Variants in BAZ1B observed in about 807,000 individuals in gnomAD.
The protein encoded by BAZ1B is tyrosine-protein kinase BAZ1B.
A neutral mutation model predicts 153.8 loss-of-function variants in BAZ1B; 22 were observed. That is an observed-to-expected ratio of 0.14 (90% CI 0.10 to 0.20). BAZ1B has a LOEUF of 0.20. Among genes scored for constraint, BAZ1B ranks in the 10% least tolerant of loss-of-function variants. The pLI is 1.00. For missense variants in BAZ1B, 1,325 were observed against 1,799.3 expected, an observed-to-expected ratio of 0.74 and a Z score of 4.77; for synonymous variants, 676 against 633.4, an observed-to-expected ratio of 1.07 and a Z score of -1.01.
At chr7:73,473,581 C>T (rs1050331480) in intron 7 of BAZ1B, among the ~76,000 whole-genome samples, 3 of 152,228 alleles carry the variant, frequency 2.0e-5, no homozygotes, top group African/African-American at 7.2e-5. Flanking sequence ...GGAAAGTACA[C>T]ATTACATATG....
In BAZ1B at chr7:73,442,387, G is replaced by A. The variant is rs530271123; in HGVS notation, c.4261C>T (p.Arg1421Cys). Residue 1421 changes from arginine (R) to cysteine (C), a missense_variant, in exon 19 of 20, where the codon CGT (arginine) becomes TGT (cysteine). By Grantham distance (180) the Arg-to-Cys change is radical (BLOSUM62 -3). This residue lies in a region of BAZ1B where 271 missense variants were observed against 337.2 expected (regional missense o/e 0.80). Transcript: ENST00000339594. ...VFTNAEVYNCRGSHVLSCMVK... is the reference protein window; with the variant it reads ...VFTNAEVYNCCGSHVLSCMVK... Reference sequence around the variant, plus strand: ...ATGCAGCTTAGCACATGGCTGCCACGGCAGTTGTAAACCTCAGCATTGGTA... The same window carrying A: ...ATGCAGCTTAGCACATGGCTGCCACAGCAGTTGTAAACCTCAGCATTGGTA... 12 of 1,614,196 alleles carry A rather than the reference G, an allele frequency of 7.4e-6. No individual in the cohort carries two copies. The highest frequency in any genetic ancestry group is 5.0e-5 in the Admixed American group (3 of 60,016).
chr7:73,481,337 A>C (rs1354115157), intron 6 of BAZ1B, among the ~76,000 whole-genome samples: 2 of 151,338 alleles, frequency 1.3e-5, no homozygotes, highest in Non-Finnish European at 2.9e-5. Context: ...ACCACAGTGA[A>C]ACCCCATCTC....
chr7:73,445,113 T>C (rs930220002), intron 16 of BAZ1B, among the ~76,000 whole-genome samples: 4 of 152,142 alleles, frequency 2.6e-5, no homozygotes, highest in African/African-American at 9.7e-5. Context: ...CCAACTGGCA[T>C]TCCTCAGTGA....
intron 15 of BAZ1B, among the ~76,000 whole-genome samples, chr7:73,448,043 G>A (rs1343231666): frequency 6.6e-6 from 1 of 152,296 alleles, no homozygotes; most frequent in Non-Finnish European, 1.5e-5. Context: ...CGTGGCTCAC[G>A]CCTGTAATCC....
chr7:73,477,740 A>G lies in BAZ1B; in HGVS notation c.1721T>C (p.Leu574Ser). The G allele has an allele frequency of 6.2e-7, 1 of 1,614,098 alleles. No homozygotes were observed. The highest frequency in any genetic ancestry group is 8.5e-7 in the Non-Finnish European group (1 of 1,180,000). ...GTCCTCATACCGCTTCTGTTTTTCT[A>G]ATCTCTCAAGCATTTCTTTCTCTCT... Reference protein sequence around the residue: ...ERREKEMLERLEKQKRYEDQE... With the variant: ...ERREKEMLERSEKQKRYEDQE... The change falls in exon 7 of 20, where the codon TTA becomes TCA. Residue 574 changes from leucine (L) to serine (S), a missense_variant. Transcript: ENST00000339594. This position sits in a 1 kb window ranked among gnomAD's most constrained non-coding sequence, Gnocchi z 5.6.
In BAZ1B at chr7:73,485,686, A is replaced by C. The variant is rs1789380313; in HGVS notation, c.891+3508T>G. Among the ~76,000 whole-genome samples the C allele has an allele frequency of 2.6e-5, 4 of 152,034 alleles. No individual in the cohort carries two copies. The South Asian group carries it at 8.3e-4, about 32-fold the overall frequency. On this transcript the variant is annotated intron_variant, in intron 6 of 19. Coordinates refer to ENST00000339594, the MANE Select transcript of BAZ1B (RefSeq NM_032408.4). ...CAAATATGATAAATGTTAACATCTG[A>C]GGAAATCTAATTAAAGAGTACACAG... is the stretch of plus-strand genomic sequence containing the variant.
At chr7:73,444,257 T>G (rs1787741540) in intron 16 of BAZ1B, 128 bp from the exon 17 acceptor site, 1 of 1,092,162 alleles carries the variant, frequency 9.2e-7, no homozygotes, top group Non-Finnish European at 1.3e-6. Flanking sequence ...CTCCTTTGGT[T>G]TTAAGGTGCT....
chr7:73,511,219 G>T (rs1239502300), intron 1 of BAZ1B, among the ~76,000 whole-genome samples: 1 of 151,990 alleles, frequency 6.6e-6, no homozygotes, highest in Non-Finnish European at 1.5e-5. Context: ...AGTGAGCCAA[G>T]ATCACGCCAC....
rs200548390 is a variant in BAZ1B, at chr7:73,478,187, T to C, written c.1274A>G (p.Lys425Arg). 87 of 1,614,134 alleles carry C rather than the reference T, an allele frequency of 5.4e-5. No homozygotes were observed. The East Asian group carries it at 1.8e-3, about 33-fold the overall frequency. The change falls in exon 7 of 20, where the codon AAA becomes AGA. Residue 425 changes from lysine (K) to arginine (R), a missense_variant. By Grantham distance (26) the Lys-to-Arg change is conservative. This residue lies in a region of BAZ1B where 219 missense variants were observed against 248.2 expected (regional missense o/e 0.88). Transcript: ENST00000339594. The stretch of plus-strand genomic sequence containing the variant: ...GGTTTTAGGAGTCTTCAGTCCTTTT[T>C]TGGGAGATTTGGAATTCCCTGTGGA... ...QKSTGNSKSP[K>R]KGLKTPKTKM...
At chr7:73,472,415 C>T (rs564596537) in intron 7 of BAZ1B, among the ~76,000 whole-genome samples, 49 of 152,082 alleles carry the variant, frequency 3.2e-4, no homozygotes, top group Non-Finnish European at 5.9e-4. Context: ...TGTGTCACCA[C>T]GCCCGGCTAA....
chr7:73,491,984 C>A (rs1051816549), intron 5 of BAZ1B, among the ~76,000 whole-genome samples: 1 of 146,414 alleles, frequency 6.8e-6, no homozygotes, highest in Non-Finnish European at 1.5e-5. Context: ...ATCAGCAAAA[C>A]GCTTTTTTTT....
intron 5 of BAZ1B, among the ~76,000 whole-genome samples, chr7:73,491,770 T>G (rs1554575494): frequency 6.6e-6 from 1 of 152,202 alleles, no homozygotes; most frequent in African/African-American, 2.4e-5. Flanking sequence ...CTTCCCATTT[T>G]CATTTACTGA....
intron 1 of BAZ1B, among the ~76,000 whole-genome samples, chr7:73,518,464 G>GT (rs768620737): frequency 5.3e-5 from 8 of 151,740 alleles, no homozygotes; most frequent in Non-Finnish European, 1.0e-4. Flanking sequence ...AAAAATCAAC[G>GT]TAAGAGCTCA....
chr7:73,478,260 G>C lies in BAZ1B; in HGVS notation c.1201C>G (p.Pro401Ala). ...AKKPGKHSDKPLKAKGRSKGI... is the reference protein window; with the variant it reads ...AKKPGKHSDKALKAKGRSKGI... The stretch of plus-strand genomic sequence containing the variant: ...TTGCTTCTGCCCTTTGCCTTCAAAG[G>C]CTTGTCACTGTGCTTCCCTGGTTTC... The change falls in exon 7 of 20, where the codon CCT (proline) becomes GCT (alanine). Residue 401 changes from proline (P) to alanine (A), a missense_variant. Transcript: ENST00000339594. The C allele has an allele frequency of 6.2e-7, 1 of 1,614,162 alleles. No individual in the cohort carries two copies. Among genetic ancestry groups the C allele is most frequent in the Non-Finnish European group, 8.5e-7 (1 of 1,180,018 alleles).
rs782297157 is a variant in BAZ1B at position 73,447,286 on chromosome 7, A to ATCTTCTTCCTCCTCCTCC, written c.3804_3821dup (p.Glu1268_Glu1273dup). On this transcript the variant is annotated inframe_insertion, in exon 16 of 20. Transcript: ENST00000339594. ...TACATCGCAAACCAGCCACCTCATA[A>ATCTTCTTCCTCCTCCTCC]TCTTCTTCCTCCTCCTCCTCTTCTT... 1.1e-5 allele frequency: 17 copies of ATCTTCTTCCTCCTCCTCC among 1,613,752 alleles called. No individual in the cohort carries two copies. The highest frequency in any genetic ancestry group is 3.3e-5 in the Admixed American group (2 of 59,972).
intron 16 of BAZ1B, among the ~76,000 whole-genome samples, chr7:73,444,873 G>C (rs1787770213): frequency 6.6e-6 from 1 of 152,108 alleles, no homozygotes; most frequent in African/African-American, 2.4e-5. Flanking sequence ...AATTAGCAGG[G>C]CGTGGTGGCA....
Position 73,508,485 on chromosome 7 carries a change from A to T in BAZ1B, c.225-14T>A. On this transcript the variant is annotated splice_polypyrimidine_tract_variant and intron_variant, in intron 2 of 19. Coordinates refer to ENST00000339594, the MANE Select transcript of BAZ1B (RefSeq NM_032408.4). ...TCCTCCTTCAAACTAAATAAATGTAATTAGTTATCAAGAAAACACAGAAAC... is the reference window on the plus strand; with the variant it reads ...TCCTCCTTCAAACTAAATAAATGTATTTAGTTATCAAGAAAACACAGAAAC... 6.3e-7 allele frequency: 1 copy of T among 1,594,130 alleles called. No individual in the cohort carries two copies. Among genetic ancestry groups the T allele is most frequent in the Non-Finnish European group, 8.5e-7 (1 of 1,170,064 alleles).
In BAZ1B at chr7:73,468,201, G is replaced by C. The variant is rs1451833060; in HGVS notation, c.2866+1316C>G. On this transcript the variant is annotated intron_variant, in intron 9 of 19. Coordinates refer to ENST00000339594, the MANE Select transcript of BAZ1B (RefSeq NM_032408.4). ...CATAAGCAATTTTCATTAGGTTACA[G>C]ACAGCAGAGCTGAAAGAAGCTTATG... is the stretch of plus-strand genomic sequence containing the variant. Among the ~76,000 whole-genome samples, 3 of 152,126 alleles carry C rather than the reference G, an allele frequency of 2.0e-5. No individual in the cohort carries two copies. In the East Asian group the frequency reaches 5.8e-4, roughly 29 times the overall value.
chr7:73,447,681 CA>C (rs1159820490), intron 15 of BAZ1B, among the ~76,000 whole-genome samples: 3 of 152,128 alleles, frequency 2.0e-5, no homozygotes, highest in Non-Finnish European at 2.9e-5. Flanking sequence ...CAAAGCAATA[CA>C]AAACACTGTT....
Sources: allele counts gnomAD v4.1 joint callset (sites outside exome capture counted in the v4.1 genomes callset), GRCh38; gene constraint gnomAD v4.1.1; regional missense constraint gnomAD v4.1.1; non-coding constraint Gnocchi (gnomAD v3.1); transcripts MANE v1.5; gene names NCBI Gene and HGNC (gene_info 2026-07-23, HGNC 2026-07-21).